RNF217: variants seen among roughly 807,000 people sequenced by gnomAD.
The protein encoded by RNF217 is ring finger protein 217, also known as E3 ubiquitin-protein ligase RNF217.
Under a neutral mutation model 57.8 loss-of-function variants are expected in RNF217, and 31 were observed. The ratio of observed to expected loss-of-function variants is 0.54; its 90% confidence interval spans 0.40 to 0.72. The LOEUF is 0.72. Among genes scored for constraint, RNF217 ranks in the 30% least tolerant of loss-of-function variants. The pLI is 0.00. For synonymous variants in RNF217, 313 were observed against 294.0 expected (o/e 1.06, Z -0.66); for missense variants, 696 against 708.3 (o/e 0.98, Z 0.20).
rs1788849837 is a variant in RNF217, at chr6:125,088,752, A to T, written c.*5815A>T. On this transcript the variant is annotated 3_prime_UTR_variant, in exon 6 of 6. Coordinates refer to ENST00000521654, the MANE Select transcript of RNF217 (RefSeq NM_001286398.3). ...TCTTCTAAAAATTTTCATTTGGTGT[A>T]TCTAACTTTGTATCACTTAAATTAT... The T allele has an allele frequency of 6.6e-6, 1 of 152,072 alleles. No homozygotes were observed. Among genetic ancestry groups the T allele is most frequent in the African/African-American group, 2.4e-5 (1 of 41,406 alleles). 9.4% of individuals were successfully genotyped at this position (152,072 alleles called of 1,614,324 possible).
chr6:124,993,876 G>A (rs548608858), intron 1 of RNF217, among the ~76,000 whole-genome samples: 137 of 152,304 alleles, frequency 9.0e-4, no homozygotes, highest in African/African-American at 3.1e-3. Flanking sequence ...CAGTGGCTCA[G>A]TAGAAGCAGG....
chr6:125,004,303 C>T (rs1785090224), intron 1 of RNF217, among the ~76,000 whole-genome samples: 2 of 152,162 alleles, frequency 1.3e-5, no homozygotes, highest in African/African-American at 4.8e-5. Context: ...GGCACAAGAA[C>T]AGCTGGCATC....
intron 1 of RNF217, among the ~76,000 whole-genome samples, chr6:125,036,100 C>T (rs941239858): frequency 1.3e-5 from 2 of 151,834 alleles, no homozygotes; most frequent in Non-Finnish European, 2.9e-5. Flanking sequence ...TGACAGGCCT[C>T]GGTGTGTGAT....
chr6:124,989,223 TA>T (rs1784464881), intron 1 of RNF217, among the ~76,000 whole-genome samples: 1 of 152,236 alleles, frequency 6.6e-6, no homozygotes, highest in African/African-American at 2.4e-5. Flanking sequence ...GCGCTTATGC[TA>T]GTAATGTTGT....
At chr6:125,044,103 A>G (rs578133376) in intron 1 of RNF217, among the ~76,000 whole-genome samples, 3 of 151,776 alleles carry the variant, frequency 2.0e-5, no homozygotes, top group Non-Finnish European at 4.4e-5. Context: ...TTCTTTCCCC[A>G]AACTGCGTGG....
At chr6:125,020,867 T>C (rs1785810787) in intron 1 of RNF217, among the ~76,000 whole-genome samples, 1 of 152,196 alleles carries the variant, frequency 6.6e-6, no homozygotes, top group Non-Finnish European at 1.5e-5. Flanking sequence ...AAAATAATAA[T>C]ATTGCCATTT....
chr6:124,979,977 T>C (rs1377491602), intron 1 of RNF217, among the ~76,000 whole-genome samples: 2 of 152,232 alleles, frequency 1.3e-5, no homozygotes, highest in East Asian at 1.9e-4. Context: ...TTGTCTTTAG[T>C]ATAGCAGAAC....
Position 125,084,419 on chromosome 6 carries a change from C to A in RNF217, c.*1482C>A, listed in dbSNP as rs1788710579. 6.6e-6 allele frequency: 1 copy of A among 151,732 alleles called. No homozygotes were observed. Among genetic ancestry groups the A allele is most frequent in the Admixed American group, 6.6e-5 (1 of 15,210 alleles). 9.4% of individuals were successfully genotyped at this position (151,732 alleles called of 1,614,324 possible). A position where few individuals can be genotyped will look rare whatever the true frequency, so the allele number is the denominator to read the frequency against. On this transcript the variant is annotated 3_prime_UTR_variant, in exon 6 of 6. Transcript: ENST00000521654. ...CATCAGCAAACAGGAAAAAAAAAGA[C>A]CCCTAAAAAGCCTAAAGCTTTAAAT...
At chr6:125,080,168 T>C (rs1305313584) in intron 4 of RNF217, among the ~76,000 whole-genome samples, 5 of 152,154 alleles carry the variant, frequency 3.3e-5, no homozygotes, top group African/African-American at 1.2e-4. Flanking sequence ...TATGTGCTTA[T>C]ATATTCTAAA....
intron 1 of RNF217, among the ~76,000 whole-genome samples, chr6:125,011,767 T>C (rs765801732): frequency 6.6e-6 from 1 of 152,176 alleles, no homozygotes; most frequent in Non-Finnish European, 1.5e-5. Flanking sequence ...TCTAGTTCTT[T>C]ACTTTTCATT....
Position 124,962,773 on chromosome 6 carries a change from G to T in RNF217, c.229G>T (p.Gly77Cys). The T allele has an allele frequency of 6.3e-7, 1 of 1,595,448 alleles. No individual in the cohort carries two copies. Among genetic ancestry groups the T allele is most frequent in the Non-Finnish European group, 8.5e-7 (1 of 1,179,042 alleles). Residue 77 changes from glycine (G) to cysteine (C), a missense_variant, in exon 1 of 6, where the codon GGC becomes TGC. By Grantham distance (159) the Gly-to-Cys change is radical. This residue lies in a region of RNF217 where 465 missense variants were observed against 386.8 expected (regional missense o/e 1.20). Coordinates refer to ENST00000521654, the MANE Select transcript of RNF217 (RefSeq NM_001286398.3). This position sits in a 1 kb window ranked among gnomAD's most constrained non-coding sequence, Gnocchi z 4.6. ...GCCCGCGAGGAGCCTGGGGCCCCCG[G>T]GCTGGAGTAAGAGCCGAGCACCGGC... ...PEPARSLGPPGWSKSRAPAQP... is the reference protein window; with the variant it reads ...PEPARSLGPPCWSKSRAPAQP...
chr6:124,985,622 G>A (rs1173497583), intron 1 of RNF217, among the ~76,000 whole-genome samples: 1 of 152,046 alleles, frequency 6.6e-6, no homozygotes, highest in African/African-American at 2.4e-5. Flanking sequence ...AGAAGATCAA[G>A]TTTCAGAATT....
chr6:125,021,824 G>T lies in RNF217; in HGVS notation c.883-23387G>T, dbSNP rs367852675. ...AAATTGACTAGGAAGATCAGACATT[G>T]TGCTCTTCAATAAGTAAGAACAGCC... On this transcript the variant is annotated intron_variant, in intron 1 of 5. Coordinates refer to ENST00000521654, the MANE Select transcript of RNF217 (RefSeq NM_001286398.3). Among the ~76,000 whole-genome samples, 9 of 152,176 alleles carry T rather than the reference G, an allele frequency of 5.9e-5. No individual in the cohort carries two copies. The South Asian group carries it at 1.0e-3, about 18-fold the overall frequency.
intron 1 of RNF217, 65 bp downstream of exon 1, chr6:124,963,491 C>G: frequency 1.4e-6 from 2 of 1,424,162 alleles, no homozygotes; most frequent in Non-Finnish European, 1.8e-6. Context: ...GTCCTGCTCT[C>G]GATCTGATCT....
chr6:125,001,745 T>A (rs1209383004), intron 1 of RNF217, among the ~76,000 whole-genome samples: 1 of 152,244 alleles, frequency 6.6e-6, no homozygotes, highest in African/African-American at 2.4e-5. Flanking sequence ...AATGAAATCC[T>A]TCATGCATCA....
chr6:125,056,121 T>C (rs1787514584), intron 2 of RNF217, among the ~76,000 whole-genome samples: 1 of 152,158 alleles, frequency 6.6e-6, no homozygotes, highest in South Asian at 2.1e-4. Flanking sequence ...TGACCATCTT[T>C]GACTACTACA....
At chr6:124,994,726 C>A (rs1303686440) in intron 1 of RNF217, among the ~76,000 whole-genome samples, 1 of 152,188 alleles carries the variant, frequency 6.6e-6, no homozygotes, top group African/African-American at 2.4e-5. Context: ...GTAAGTGCTA[C>A]TTTAGGCAGT....
chr6:125,049,209 T>C (rs1787214332), intron 2 of RNF217, among the ~76,000 whole-genome samples: 1 of 152,070 alleles, frequency 6.6e-6, no homozygotes, highest in Non-Finnish European at 1.5e-5. Context: ...TTTTGACTAA[T>C]GTCCTTATGT....
intron 1 of RNF217, among the ~76,000 whole-genome samples, chr6:125,017,568 A>G (rs1404635446): frequency 6.6e-6 from 1 of 152,202 alleles, no homozygotes; most frequent in Non-Finnish European, 1.5e-5. Context: ...CTGTATAGAT[A>G]ATCTTATTAT....
Sources: allele counts gnomAD v4.1 joint callset (sites outside exome capture counted in the v4.1 genomes callset), GRCh38; gene constraint gnomAD v4.1.1; regional missense constraint gnomAD v4.1.1; non-coding constraint Gnocchi (gnomAD v3.1); transcripts MANE v1.5; gene names NCBI Gene and HGNC (gene_info 2026-07-23, HGNC 2026-07-21).